PDS5A: variants seen among roughly 807,000 people sequenced by gnomAD.
PDS5A encodes PDS5 cohesin associated factor A, also known as sister chromatid cohesion protein PDS5 homolog A.
Under a neutral mutation model 167.1 loss-of-function variants are expected in PDS5A, and 42 were observed. The ratio of observed to expected loss-of-function variants is 0.25; its 90% CI spans 0.20 to 0.33. The LOEUF (loss-of-function observed/expected upper bound fraction) is 0.33. PDS5A is among the 10% of genes least tolerant of loss of function. The pLI, the probability that PDS5A is intolerant of heterozygous loss-of-function variation, is 1.00. For synonymous variants in PDS5A, 553 were observed against 554.6 expected (o/e 1.00, Z 0.04); for missense variants, 1,033 against 1,605.9 (o/e 0.64, Z 6.10).
At chr4:39,911,572 C>T (rs1723887357) in intron 9 of PDS5A, among the ~76,000 whole-genome samples, 1 of 152,118 alleles carries the variant, frequency 6.6e-6, no homozygotes, top group African/African-American at 2.4e-5. Flanking sequence ...GTGGCTCACA[C>T]CTGCAATCTC....
chr4:39,886,481 A>C (rs1048371673), intron 17 of PDS5A, among the ~76,000 whole-genome samples: 1 of 152,130 alleles, frequency 6.6e-6, no homozygotes, highest in African/African-American at 2.4e-5. Flanking sequence ...TGGGAGGCCG[A>C]AGTGGGCGGA....
chr4:39,963,562 T>C (rs2109811828), intron 2 of PDS5A, among the ~76,000 whole-genome samples: 1 of 152,238 alleles, frequency 6.6e-6, no homozygotes, highest in South Asian at 2.1e-4. Context: ...AAATAAACGG[T>C]TGACTGGGCA....
chr4:39,961,370 C>T (rs1284399137), intron 2 of PDS5A, among the ~76,000 whole-genome samples: 1 of 151,998 alleles, frequency 6.6e-6, no homozygotes, highest in African/African-American at 2.4e-5. Flanking sequence ...GCCATCTCGG[C>T]TCACTGTCTC....
intron 32 of PDS5A, among the ~76,000 whole-genome samples, chr4:39,832,164 T>G (rs935243691): frequency 2.6e-5 from 4 of 151,778 alleles, no homozygotes; most frequent in Non-Finnish European, 5.9e-5. Flanking sequence ...ATAAGGGGTC[T>G]TCAAAAAGTT....
intron 2 of PDS5A, chr4:39,973,599 C>G (rs1730778193): frequency 7.8e-7 from 1 of 1,281,136 alleles, no homozygotes; most frequent in African/African-American, 1.5e-5. Flanking sequence ...TCGTATGTTT[C>G]TCCTTCCCGG....
intron 19 of PDS5A, 99 bp from the exon 20 acceptor site, chr4:39,874,511 TAG>T (rs1720306871): frequency 1.1e-6 from 1 of 897,074 alleles, no homozygotes; most frequent in Non-Finnish European, 1.7e-6. Flanking sequence ...TGGATGCTAG[TAG>T]AGAAGGCTCT....
chr4:39,902,707 G>A (rs1384543675), intron 12 of PDS5A, among the ~76,000 whole-genome samples: 1 of 151,946 alleles, frequency 6.6e-6, no homozygotes, highest in Non-Finnish European at 1.5e-5. Context: ...ATTTTTTGTA[G>A]AGACAAGGTG....
chr4:39,945,440 G>A (rs1210875382), intron 2 of PDS5A, among the ~76,000 whole-genome samples: 1 of 128,990 alleles, frequency 7.8e-6, no homozygotes, highest in African/African-American at 3.0e-5. Context: ...CAGCCTGGGC[G>A]ACAGAGCGAG....
intron 2 of PDS5A, among the ~76,000 whole-genome samples, chr4:39,966,873 C>T (rs969911416): frequency 1.4e-5 from 2 of 143,634 alleles, no homozygotes; most frequent in Non-Finnish European, 3.1e-5. Flanking sequence ...GTGGTGGGTG[C>T]CTGTAATCCC....
chr4:39,939,284 A>G (rs1726994604), intron 2 of PDS5A, among the ~76,000 whole-genome samples: 1 of 152,038 alleles, frequency 6.6e-6, no homozygotes, highest in Non-Finnish European at 1.5e-5. Context: ...CAACATAACA[A>G]GACCTCATCT....
At chr4:39,840,161 G>A (rs1258314753) in intron 31 of PDS5A, among the ~76,000 whole-genome samples, 1 of 151,910 alleles carries the variant, frequency 6.6e-6, no homozygotes, top group Admixed American at 6.6e-5. Context: ...GAAGTCAAGC[G>A]ACCTGCTCAA....
At position 39,842,909 on chromosome 4, in the gene PDS5A, TTATATATATATATATATATA is replaced by T. The variant is rs71194933; in HGVS notation, c.3549-873_3549-854del. 8.1e-4 allele frequency among the ~76,000 whole-genome samples: 75 copies of T among 92,312 alleles called. 5 individuals carry two copies. In the East Asian group the frequency reaches 0.025, roughly 31 times the overall value. 60.6% of individuals were successfully genotyped at this position (92,312 alleles called of 152,430 possible). On this transcript the variant is annotated intron_variant, in intron 30 of 32. Coordinates refer to ENST00000303538, the MANE Select transcript of PDS5A (RefSeq NM_001100399.2). ...AGAACAATGTAAACTTATCCTATTT[TTATATATATATATATATATA>T]TATATATATTTTAAGAGACAGGGTC...
chr4:39,922,729 C>G lies in PDS5A; in HGVS notation c.547G>C (p.Val183Leu). ...ATCAAATCTAGCATGTGCATTTGTACCTTCTTATTGTGGCTATTGCTATAA... is the reference window on the plus strand; with the variant it reads ...ATCAAATCTAGCATGTGCATTTGTAGCTTCTTATTGTGGCTATTGCTATAA... ...SVINNSHNKK[V>L]QMHMLDLMSS... Residue 183 changes from valine (V) to leucine (L), a missense_variant, in exon 6 of 33, where the codon GTA becomes CTA. This residue lies in a region of PDS5A where 388 missense variants were observed against 615.1 expected (regional missense o/e 0.63). Coordinates refer to ENST00000303538, the MANE Select transcript of PDS5A (RefSeq NM_001100399.2). 6.5e-7 allele frequency: 1 copy of G among 1,536,382 alleles called. No homozygotes were observed. Among genetic ancestry groups the G allele is most frequent in the South Asian group, 1.3e-5 (1 of 76,686 alleles).
intron 17 of PDS5A, among the ~76,000 whole-genome samples, chr4:39,881,788 A>G (rs1720950427): frequency 6.6e-6 from 1 of 152,174 alleles, no homozygotes; most frequent in African/African-American, 2.4e-5. Context: ...GAAATCATAC[A>G]ATTTCATAGG....
chr4:39,852,463 C>G (rs1718200305), intron 26 of PDS5A, among the ~76,000 whole-genome samples: 2 of 152,162 alleles, frequency 1.3e-5, no homozygotes, highest in East Asian at 3.9e-4. Flanking sequence ...CGTATCTTTT[C>G]ACTGAACTCT....
intron 12 of PDS5A, among the ~76,000 whole-genome samples, chr4:39,903,258 G>C (rs1432054713): frequency 2.0e-5 from 3 of 152,148 alleles, no homozygotes; most frequent in Non-Finnish European, 4.4e-5. Context: ...TTTTTCCTGT[G>C]TACATCTGAT....
chr4:39,975,334 C>T (rs2109834648), intron 2 of PDS5A, among the ~76,000 whole-genome samples: 1 of 152,194 alleles, frequency 6.6e-6, no homozygotes, highest in South Asian at 2.1e-4. Flanking sequence ...AAAACTAAAC[C>T]ACAGGAATAT....
At chr4:39,945,333 C>T (rs1343378506) in intron 2 of PDS5A, among the ~76,000 whole-genome samples, 2 of 151,476 alleles carry the variant, frequency 1.3e-5, no homozygotes, top group African/African-American at 2.4e-5. Flanking sequence ...TGGTGGCAGG[C>T]GCCTATAGTT....
At chr4:39,910,862 G>A (rs1723818677) in intron 9 of PDS5A, among the ~76,000 whole-genome samples, 1 of 152,180 alleles carries the variant, frequency 6.6e-6, no homozygotes, top group Admixed American at 6.5e-5. Flanking sequence ...AGGCATGGTA[G>A]CATGCCTCTG....
Sources: gnomAD v4.1 joint callset for allele counts (sites outside exome capture counted in the v4.1 genomes callset) on GRCh38, gnomAD v4.1.1 for gene constraint, gnomAD v4.1.1 regional missense constraint, MANE v1.5 for transcripts, NCBI Gene and HGNC (gene_info 2026-07-23, HGNC 2026-07-21) for gene names.